Variants in TRIOBP observed in about 807,000 individuals in gnomAD.
TRIOBP encodes the protein TRIO and F-actin binding protein.
TRIOBP carries 169 observed loss-of-function variants against 238.8 expected under a neutral mutation model. The observed-to-expected ratio is 0.71, with a 90% CI of 0.62 to 0.80. TRIOBP has a LOEUF of 0.80. Ranked by LOEUF, TRIOBP falls within the 30% of genes least tolerant of loss-of-function variation. The pLI, the probability that TRIOBP is intolerant of heterozygous loss-of-function variation, is 0.00. For missense variants in TRIOBP, 2,838 were observed against 3,122.6 expected (o/e 0.91, Z 2.17); for synonymous variants, 1,150 against 1,274.4 (o/e 0.90, Z 2.08).
chr22:37,757,164 C>T (rs1925968318), intron 15 of TRIOBP, among the ~76,000 whole-genome samples: 1 of 152,058 alleles, frequency 6.6e-6, no homozygotes, highest in African/African-American at 2.4e-5. Flanking sequence ...GAGTTCGAGA[C>T]CAACCTGGGC....
rs558667789 is a variant in TRIOBP at position 37,726,237 on chromosome 22, C to A, written c.3681C>A (p.Ser1227=). 14 of 1,610,254 alleles carry A rather than the reference C, an allele frequency of 8.7e-6. No individual in the cohort carries two copies. In the African/African-American group the frequency reaches 1.9e-4, roughly 21 times the overall value. Residue 1227 remains serine, a synonymous_variant, in exon 7 of 24, where the codon TCC becomes TCA. Transcript: ENST00000644935. ...CIGHRDAPRA[S]SPPRHPPSDL... is the part of the protein sequence containing the mutation. ...GGCACCGGGATGCACCCCGAGCCTC[C>A]TCCCCACCCCGCCACCCACCCAGTG...
At chr22:37,749,320 A>G (rs1601651546) in intron 11 of TRIOBP, among the ~76,000 whole-genome samples, 1 of 151,830 alleles carries the variant, frequency 6.6e-6, no homozygotes, top group African/African-American at 2.4e-5. Context: ...GCGCCATTGC[A>G]CTCCAGCCTG....
intron 6 of TRIOBP, among the ~76,000 whole-genome samples, chr22:37,721,781 T>C (rs1237176885): frequency 6.6e-6 from 1 of 152,172 alleles, no homozygotes; most frequent in South Asian, 2.1e-4. Context: ...ACACCCATAG[T>C]TGTGGCTCCT....
chr22:37,717,356 C>G (rs914619757), intron 6 of TRIOBP, among the ~76,000 whole-genome samples: 1 of 152,196 alleles, frequency 6.6e-6, no homozygotes, highest in Admixed American at 6.5e-5. Context: ...GCTTCCACAG[C>G]ATGGAAGAGG....
At chr22:37,721,703 A>G (rs1446484831) in intron 6 of TRIOBP, among the ~76,000 whole-genome samples, 1 of 151,862 alleles carries the variant, frequency 6.6e-6, no homozygotes, top group African/African-American at 2.4e-5. Flanking sequence ...CTGGTCTGGA[A>G]CTCCTGAGCT....
At chr22:37,756,420 A>G (rs1253440192) in intron 15 of TRIOBP, among the ~76,000 whole-genome samples, 1 of 152,236 alleles carries the variant, frequency 6.6e-6, no homozygotes, top group African/African-American at 2.4e-5. Context: ...GCCTTAGGCC[A>G]GAGGCTTTCC....
chr22:37,754,291 A>T (rs1047307760), intron 12 of TRIOBP, among the ~76,000 whole-genome samples: 1 of 152,036 alleles, frequency 6.6e-6, no homozygotes, highest in African/African-American at 2.4e-5. Flanking sequence ...GGCGCCTGTA[A>T]TCCCAGCTAC....
At chr22:37,745,438 T>G (rs1337420500) in intron 11 of TRIOBP, among the ~76,000 whole-genome samples, 3 of 151,714 alleles carry the variant, frequency 2.0e-5, no homozygotes, top group East Asian at 1.9e-4. Context: ...CCTAGTGCAT[T>G]TAGCAACCAA....
In TRIOBP at chr22:37,754,902, C is replaced by G. The variant is rs148574550; in HGVS notation, c.5405C>G (p.Thr1802Ser). The G allele has an allele frequency of 6.2e-7, 1 of 1,614,164 alleles. No individual in the cohort carries two copies. Among genetic ancestry groups the G allele is most frequent in the East Asian group, 2.2e-5 (1 of 44,868 alleles). The change falls in exon 13 of 24, where the codon ACC becomes AGC. Residue 1802 changes from threonine (T) to serine (S), a missense_variant. By Grantham distance (58) the Thr-to-Ser change is moderately conservative. Transcript: ENST00000644935. ...CCTCCCTCCCCCTCGCTCACCACCACCTCTACTTCGCAGTGGAAGAAACAT... is the reference window on the plus strand; with the variant it reads ...CCTCCCTCCCCCTCGCTCACCACCAGCTCTACTTCGCAGTGGAAGAAACAT... ...GEPPSPSLTTTSTSQWKKHWF... is the reference protein window; with the variant it reads ...GEPPSPSLTTSSTSQWKKHWF...
intron 5 of TRIOBP, among the ~76,000 whole-genome samples, chr22:37,715,059 G>C (rs1923442174): frequency 6.6e-6 from 1 of 152,048 alleles, no homozygotes; most frequent in African/African-American, 2.4e-5. Flanking sequence ...CTGTCACCTG[G>C]GCTGGAGTGC....
At chr22:37,767,881 A>C (rs1926579607) in intron 18 of TRIOBP, among the ~76,000 whole-genome samples, 193 bp from the exon 19 acceptor site, 1 of 151,998 alleles carries the variant, frequency 6.6e-6, no homozygotes, top group African/African-American at 2.4e-5. Context: ...TTATGACACA[A>C]CCTGGGCTAC....
rs553807761 is a variant in TRIOBP, at chr22:37,741,139, A to C, written c.5322+107A>C. On this transcript the variant is annotated intron_variant, in intron 11 of 23. Coordinates refer to ENST00000644935, the MANE Select transcript of TRIOBP (RefSeq NM_001039141.3). ...GGAGAGAGAGTGGGGGCTGAGGAGG[A>C]GGCACCTAGGGCCGTCGCATGACAG... is the stretch of plus-strand genomic sequence containing the variant. 6.1e-4 allele frequency: 873 copies of C among 1,437,166 alleles called. 1 individual carries two copies. Among genetic ancestry groups the C allele is most frequent in the Non-Finnish European group, 7.7e-4 (818 of 1,064,390 alleles). The allele number at this position is 1,437,166 out of a possible 1,614,324, so 89.0% of individuals were successfully genotyped here.
chr22:37,734,923 G>T lies in TRIOBP; in HGVS notation c.4587G>T (p.Trp1529Cys). Residue 1529 changes from tryptophan to cysteine, a missense_variant, in exon 9 of 24, where the codon TGG (tryptophan) becomes TGT (cysteine). Trp to Cys is a radical substitution (Grantham distance 215). Transcript: ENST00000644935. ...WGGPAESSQS[W>C]HSGTPTAVGW... Reference sequence around the variant, plus strand: ...GCCCCGCAGAGTCCTCACAATCCTGGCACTCTGGGACACCCACTGCTGTGG... The same window carrying T: ...GCCCCGCAGAGTCCTCACAATCCTGTCACTCTGGGACACCCACTGCTGTGG... 1 of 1,613,348 alleles carries T rather than the reference G, an allele frequency of 6.2e-7. No individual in the cohort carries two copies. Among genetic ancestry groups the T allele is most frequent in the Non-Finnish European group, 8.5e-7 (1 of 1,180,004 alleles).
intron 2 of TRIOBP, among the ~76,000 whole-genome samples, chr22:37,698,842 C>A (rs1922493538): frequency 6.6e-6 from 1 of 151,206 alleles, no homozygotes. Flanking sequence ...ACCCTGCCCC[C>A]ACCTCCCCAA....
chr22:37,729,635 T>C (rs1459348704), intron 7 of TRIOBP, among the ~76,000 whole-genome samples: 1 of 152,194 alleles, frequency 6.6e-6, no homozygotes, highest in Non-Finnish European at 1.5e-5. Context: ...AGATAAGGTG[T>C]TTATATTAAT....
Position 37,726,508 on chromosome 22 carries a change from G to GC in TRIOBP, c.3947+8dup. On this transcript the variant is annotated splice_donor_region_variant and intron_variant, in intron 7 of 23. Coordinates refer to ENST00000644935, the MANE Select transcript of TRIOBP (RefSeq NM_001039141.3). ...CCTCTTCGGGCAAGAGCGCAGGTGA[G>GC]CCCGGGGGTGGGGTCAGCCAGGTGG... 2 of 1,484,432 alleles carry GC rather than the reference G, an allele frequency of 1.3e-6. No individual in the cohort carries two copies. The highest frequency in any genetic ancestry group is 2.4e-4 in the Middle Eastern group (1 of 4,252). 92.0% of individuals were successfully genotyped at this position (1,484,432 alleles called of 1,614,324 possible).
chr22:37,721,853 A>G (rs1315068730), intron 6 of TRIOBP, among the ~76,000 whole-genome samples: 2 of 152,162 alleles, frequency 1.3e-5, no homozygotes, highest in African/African-American at 2.4e-5. Flanking sequence ...GGACATGTAC[A>G]TAGGGGTGCT....
rs750782634 is a variant in TRIOBP, at chr22:37,733,313, G to A, written c.3963G>A (p.Ala1321=). 19 of 1,550,684 alleles carry A rather than the reference G, an allele frequency of 1.2e-5. No individual in the cohort carries two copies. Among genetic ancestry groups the A allele is most frequent in the East Asian group, 2.4e-5 (1 of 40,954 alleles). The part of the protein sequence containing the change: ...FGQERRKSEA[A]GAFQAQDEGR... ...TTGCTCATAGGAAGTCCGAGGCAGC[G>A]GGGGCCTTCCAGGCCCAGGACGAGG... The change falls in exon 8 of 24, where the codon GCG becomes GCA. Residue 1321 remains alanine (A), a synonymous_variant. Transcript: ENST00000644935.
At chr22:37,763,287 C>G (rs1926329371) in intron 17 of TRIOBP, among the ~76,000 whole-genome samples, 1 of 152,200 alleles carries the variant, frequency 6.6e-6, no homozygotes, top group African/African-American at 2.4e-5. Context: ...GACTGAAGCT[C>G]AGAGGGGGCG....
Sources: allele counts gnomAD v4.1 joint callset (sites outside exome capture counted in the v4.1 genomes callset), GRCh38; gene constraint gnomAD v4.1.1; transcripts MANE v1.5; gene names NCBI Gene and HGNC (gene_info 2026-07-23, HGNC 2026-07-21).